The following ALAS1 variants were observed in gnomAD, a reference collection of about 807,000 sequenced individuals.
ALAS1 encodes the protein 5'-aminolevulinate synthase 1.
A neutral mutation model predicts 59.6 loss-of-function variants in ALAS1; 29 were observed. The ratio of observed to expected loss-of-function variants is 0.49; its 90% CI spans 0.36 to 0.66. The LOEUF is 0.66. Ranked by LOEUF, ALAS1 falls within the 30% of genes least tolerant of loss-of-function variation. The pLI is 0.00. For missense variants in ALAS1, 690 were observed against 807.5 expected (o/e 0.85, Z 1.76); for synonymous variants, 299 against 296.6 (o/e 1.01, Z -0.08).
chr3:52,205,041 T>C, intron 6 of ALAS1, 126 bp downstream of exon 6: 1 of 767,430 alleles, frequency 1.3e-6, no homozygotes, highest in African/African-American at 1.7e-5. Context: ...AAAATACTAT[T>C]CTTAGCTTCT....
chr3:52,202,410 AG>A lies in ALAS1; in HGVS notation c.200-96del, dbSNP rs1246798681. On this transcript the variant is annotated intron_variant, in intron 3 of 11. Coordinates refer to ENST00000484952, the MANE Select transcript of ALAS1 (RefSeq NM_000688.6). ...GGATGGTGGGGTACAGTAAGTATTA[AG>A]TTTATCTTTGAGGCAATAAAAGAAA... 5.4e-5 allele frequency: 53 copies of A among 982,094 alleles called. No homozygotes were observed. In the Admixed American group the frequency reaches 1.0e-3, roughly 19 times the overall value. 60.8% of individuals were successfully genotyped at this position (982,094 alleles called of 1,614,324 possible).
rs770756062 is a variant in ALAS1 at position 52,202,690 on chromosome 3, T to C, written c.383T>C (p.Leu128Pro). 2.5e-6 allele frequency: 4 copies of C among 1,614,040 alleles called. No individual in the cohort carries two copies. In the Admixed American group the frequency reaches 6.7e-5, roughly 27 times the overall value. ...RGSSVFCKAS[L>P]ELQEDVQEMN... ...AGCAGTGTCTTCTGCAAAGCCAGTC[T>C]TGAGCTTCAGGAGGATGTGCAGGAA... The change falls in exon 4 of 12, where the codon CTT (leucine) becomes CCT (proline). Residue 128 changes from leucine (L) to proline (P), a missense_variant. Leu to Pro is a moderately conservative substitution (Grantham distance 98). Coordinates refer to ENST00000484952, the MANE Select transcript of ALAS1 (RefSeq NM_000688.6).
In ALAS1 at chr3:52,211,345, C is replaced by T. The variant is rs761373222; in HGVS notation, c.1393C>T (p.Arg465Trp). ...ASTSSLIDTV[R>W]SYAAGFIFTT... ...CACGAGTTCTCTGATTGACACCGTA[C>T]GGTCCTATGCTGCTGGCTTCATCTT... is the stretch of plus-strand genomic sequence containing the variant. Residue 465 changes from arginine (R) to tryptophan (W), a missense_variant, in exon 10 of 12, where the codon CGG becomes TGG. By Grantham distance (101) the Arg-to-Trp change is moderately radical. Coordinates refer to ENST00000484952, the MANE Select transcript of ALAS1 (RefSeq NM_000688.6). 3.7e-6 allele frequency: 6 copies of T among 1,614,194 alleles called. No homozygotes were observed. Among genetic ancestry groups the T allele is most frequent in the South Asian group, 3.3e-5 (3 of 91,092 alleles).
chr3:52,207,826 TGTGTAGTATTGC>T (rs1699325703), intron 8 of ALAS1, among the ~76,000 whole-genome samples: 1 of 152,236 alleles, frequency 6.6e-6, no homozygotes. Flanking sequence ...TTTTTATTGC[TGTGTAGTATTGC>T]ATTCTGCCAA....
chr3:52,199,298 G>A lies in ALAS1; in HGVS notation c.57G>A (p.Leu19=). The change falls in exon 3 of 12, where the codon CTG becomes CTA. Residue 19 remains leucine, a synonymous_variant. Transcript: ENST00000484952. ...TATCCCGAGTCCCCCAGGCCTTTCT[G>A]CAGAAAGCAGGCAAATCTCTGTTGT... The part of the protein sequence containing the change: ...PFLSRVPQAF[L]QKAGKSLLFY... The A allele has an allele frequency of 6.2e-7, 1 of 1,614,186 alleles. No homozygotes were observed. Among genetic ancestry groups the A allele is most frequent in the South Asian group, 1.1e-5 (1 of 91,088 alleles).
rs1355395373 is a variant in ALAS1, at chr3:52,204,830, C to G, written c.715C>G (p.Leu239Val). The change falls in exon 6 of 12, where the codon CTC (leucine) becomes GTC (valine). Residue 239 changes from leucine to valine, a missense_variant. Leu to Val is a conservative substitution (Grantham distance 32, BLOSUM62 1). Transcript: ENST00000484952. Reference protein sequence around the residue: ...FPMADDYSDSLITKKQVSVWC... With the variant: ...FPMADDYSDSVITKKQVSVWC... ...CATGGCAGATGACTATTCAGACTCC[C>G]TCATCACCAAAAAGCAAGTGTCAGT... The G allele has an allele frequency of 2.5e-6, 4 of 1,614,098 alleles. No homozygotes were observed. Among genetic ancestry groups the G allele is most frequent in the African/African-American group, 1.3e-5 (1 of 74,934 alleles).
rs1307708482 is a variant in ALAS1, at chr3:52,206,768, G to A, written c.1165+17G>A. 1 of 1,609,386 alleles carries A rather than the reference G, an allele frequency of 6.2e-7. No homozygotes were observed. The highest frequency in any genetic ancestry group is 1.7e-5 in the Admixed American group (1 of 59,570). On this transcript the variant is annotated intron_variant, in intron 8 of 11. Coordinates refer to ENST00000484952, the MANE Select transcript of ALAS1 (RefSeq NM_000688.6). ...CAATGGATGGTAAGTGTGGATAGAGGTTCCTCTGAAACCTAAGATGAAAAA... is the reference window on the plus strand; with the variant it reads ...CAATGGATGGTAAGTGTGGATAGAGATTCCTCTGAAACCTAAGATGAAAAA...
rs377569035 is a variant in ALAS1 at position 52,202,523 on chromosome 3, G to A, written c.216G>A (p.Lys72=). The A allele has an allele frequency of 1.1e-5, 17 of 1,613,206 alleles. No individual in the cohort carries two copies. The African/African-American group carries it at 2.1e-4, about 20-fold the overall frequency. Residue 72 remains lysine (K), a synonymous_variant, in exon 4 of 12, where the codon AAG becomes AAA. Transcript: ENST00000484952. ...CTCCCTCAGAAGACAAAACTGCTAA[G>A]GCCAAGGTCCAACAGACTCCTGATG... ...PPASEKDKTA[K]AKVQQTPDGS... is the part of the protein sequence containing the mutation.
intron 9 of ALAS1, among the ~76,000 whole-genome samples, chr3:52,209,719 GCT>G (rs1699367325): frequency 6.6e-6 from 1 of 151,952 alleles, no homozygotes; most frequent in African/African-American, 2.4e-5. Flanking sequence ...TTTGAGACAG[GCT>G]CTCACTCTGT....
chr3:52,198,794 A>G lies in ALAS1; in HGVS notation c.-87A>G. Reference sequence around the variant, plus strand: ...ATGTGGGGACCAGGAGAAAGTCAGGATCCCTAAGAGTCTTCCCTGCCTGGA... The same window carrying G: ...ATGTGGGGACCAGGAGAAAGTCAGGGTCCCTAAGAGTCTTCCCTGCCTGGA... On this transcript the variant is annotated 5_prime_UTR_variant, in exon 2 of 12. Transcript: ENST00000484952. The G allele has an allele frequency of 6.5e-7, 1 of 1,535,618 alleles. No homozygotes were observed.
chr3:52,208,077 C>G lies in ALAS1; in HGVS notation c.1166-6C>G. On this transcript the variant is annotated splice_polypyrimidine_tract_variant and splice_region_variant and intron_variant, in intron 8 of 11. Transcript: ENST00000484952. ...CTCTTCAGAGCAGTCTCTGGTCTTT[C>G]CTCAGGGGCGGTGTGCCCACTGGAA... 6.4e-7 allele frequency: 1 copy of G among 1,552,374 alleles called. No individual in the cohort carries two copies. The highest frequency in any genetic ancestry group is 8.7e-7 in the Non-Finnish European group (1 of 1,153,082).
intron 7 of ALAS1, 71 bp from the exon 8 acceptor site, chr3:52,206,501 C>G (rs1699293323): frequency 1.3e-6 from 2 of 1,514,148 alleles, no homozygotes; most frequent in African/African-American, 2.8e-5. Flanking sequence ...AAGGAAAAGT[C>G]TGTTGTCTTT....
chr3:52,199,788 C>T (rs1348737870), intron 3 of ALAS1, among the ~76,000 whole-genome samples: 1 of 152,158 alleles, frequency 6.6e-6, no homozygotes, highest in African/African-American at 2.4e-5. Context: ...TTCTAATTTC[C>T]CTCATTAAAC....
rs1185637274 is a variant in ALAS1, at chr3:52,211,325, G to A, written c.1373G>A (p.Ser458Asn). Residue 458 changes from serine to asparagine, a missense_variant, in exon 10 of 12, where the codon AGT (serine) becomes AAT (asparagine). Coordinates refer to ENST00000484952, the MANE Select transcript of ALAS1 (RefSeq NM_000688.6). ...GCVGGYIAST[S>N]SLIDTVRSYA... ...GTTGGAGGGTACATCGCCAGCACGAGTTCTCTGATTGACACCGTACGGTCC... is the reference window on the plus strand; with the variant it reads ...GTTGGAGGGTACATCGCCAGCACGAATTCTCTGATTGACACCGTACGGTCC... 6.2e-7 allele frequency: 1 copy of A among 1,614,186 alleles called. No homozygotes were observed.
At chr3:52,207,001 A>ATTT (rs770904720) in intron 8 of ALAS1, among the ~76,000 whole-genome samples, 5 of 125,148 alleles carry the variant, frequency 4.0e-5, no homozygotes, top group African/African-American at 9.5e-5. Flanking sequence ...CGCCTGGCTA[A>ATTT]TTTTTTTTTT....
intron 10 of ALAS1, 126 bp from the exon 11 acceptor site, chr3:52,212,132 A>T (rs1331721385): frequency 1.2e-6 from 1 of 836,182 alleles, no homozygotes; most frequent in Non-Finnish European, 1.9e-6. Flanking sequence ...CCTCTGCCCC[A>T]AGCTTGCATG....
chr3:52,211,469 G>T lies in ALAS1; in HGVS notation c.1517G>T (p.Arg506Leu). Residue 506 changes from arginine to leucine, a missense_variant, in exon 10 of 12, where the codon CGC becomes CTC. By Grantham distance (102) the Arg-to-Leu change is moderately radical. Transcript: ENST00000484952. ...CGGGTGCTTCGCCGCCAGCACCAGC[G>T]CAACGTCAAACTCATGAGACAGATG... ...EGRVLRRQHQ[R>L]NVKLMRQMLM... 1 of 1,614,224 alleles carries T rather than the reference G, an allele frequency of 6.2e-7. No homozygotes were observed. Among genetic ancestry groups the T allele is most frequent in the Non-Finnish European group, 8.5e-7 (1 of 1,180,048 alleles).
chr3:52,212,507 C>A (rs1418232449), intron 11 of ALAS1, 87 bp downstream of exon 11: 8 of 1,481,354 alleles, frequency 5.4e-6, no homozygotes, highest in Non-Finnish European at 7.5e-6. Flanking sequence ...CCTTCAGAGG[C>A]ATTCAGATTT....
At position 52,211,224 on chromosome 3, in the gene ALAS1, G is replaced by A. The variant is rs1014360125; in HGVS notation, c.1331-59G>A. On this transcript the variant is annotated intron_variant, in intron 9 of 11. Transcript: ENST00000484952. ...CTTTGAGGCTCCACAACACCTTGCTGTGTCCATTTAGAGCAATTTACAGCT... is the reference window on the plus strand; with the variant it reads ...CTTTGAGGCTCCACAACACCTTGCTATGTCCATTTAGAGCAATTTACAGCT... The A allele has an allele frequency of 5.7e-6, 9 of 1,582,932 alleles. No homozygotes were observed. In the African/African-American group the frequency reaches 6.7e-5, roughly 12 times the overall value.
Sources: allele counts gnomAD v4.1 joint callset (sites outside exome capture counted in the v4.1 genomes callset), GRCh38; gene constraint gnomAD v4.1.1; transcripts MANE v1.5; gene names NCBI Gene and HGNC (gene_info 2026-07-23, HGNC 2026-07-21).